The following VWA8 variants were observed in gnomAD, a reference collection of about 807,000 sequenced individuals.
The protein encoded by VWA8 is von Willebrand factor A domain containing 8.
Under a neutral mutation model 241.5 loss-of-function variants are expected in VWA8, and 221 were observed. The ratio of observed to expected loss-of-function variants is 0.91; its 90% CI spans 0.82 to 1.02. The LOEUF is 1.02. VWA8 is among the 50% of genes least tolerant of loss of function. VWA8 has a pLI of 0.00. For synonymous variants in VWA8, 852 were observed against 827.1 expected, an observed-to-expected ratio of 1.03 and a Z score of -0.52; for missense variants, 2,322 against 2,328.7, an observed-to-expected ratio of 1.00 and a Z score of 0.06.
intron 20 of VWA8, among the ~76,000 whole-genome samples, chr13:41,772,136 C>T (rs952473219): frequency 7.2e-5 from 11 of 152,042 alleles, no homozygotes; most frequent in African/African-American, 2.7e-4. Context: ...GTGATCCGCC[C>T]GCCTCGGCCT....
chr13:41,758,398 G>GTATATATA (rs1236188354), intron 21 of VWA8, among the ~76,000 whole-genome samples: 321 of 24,930 alleles, frequency 0.013, 11 homozygotes, highest in African/African-American at 0.022. Context: ...ATATACGCTA[G>GTATATATA]TATATATATA....
At chr13:41,902,942 A>C (rs1875526837) in intron 4 of VWA8, among the ~76,000 whole-genome samples, 1 of 152,192 alleles carries the variant, frequency 6.6e-6, no homozygotes, top group Non-Finnish European at 1.5e-5. Flanking sequence ...CCCACCAGAG[A>C]GCCACAGGTA....
At chr13:41,796,936 AT>A (rs1258678965) in intron 17 of VWA8, among the ~76,000 whole-genome samples, 1 of 152,060 alleles carries the variant, frequency 6.6e-6, no homozygotes, top group Non-Finnish European at 1.5e-5. Flanking sequence ...TTTTAAGTGT[AT>A]TTTTTGTTAT....
chr13:41,792,930 A>T (rs2137950189), intron 17 of VWA8, among the ~76,000 whole-genome samples: 1 of 152,148 alleles, frequency 6.6e-6, no homozygotes, highest in South Asian at 2.1e-4. Context: ...ACTAAACTCT[A>T]TTTGTTCTAA....
chr13:41,924,382 G>C (rs75219730), intron 2 of VWA8, among the ~76,000 whole-genome samples: 2,164 of 137,650 alleles, frequency 0.016, 52 homozygotes, highest in African/African-American at 0.055. Flanking sequence ...AGAAACAGGA[G>C]AGAAGAGAGG....
chr13:41,939,580 CCCAATGCTGTGA>C lies in VWA8; in HGVS notation c.241+10344_241+10355del, dbSNP rs377669156. Reference sequence around the variant, plus strand: ...ATGTCCTGCTGTGCCCAATGCTGTGCCCAATGCTGTGAAGACAGAAGCAATTCAAAAGAGAAG... The same window carrying C: ...ATGTCCTGCTGTGCCCAATGCTGTGCAGACAGAAGCAATTCAAAAGAGAAG... On this transcript the variant is annotated intron_variant, in intron 2 of 44. Coordinates refer to ENST00000379310, the MANE Select transcript of VWA8 (RefSeq NM_015058.2). 1.7e-3 allele frequency among the ~76,000 whole-genome samples: 255 copies of C among 152,166 alleles called. 2 individuals carry two copies. The highest frequency in any genetic ancestry group is 5.6e-3 in the African/African-American group (234 of 41,492).
rs1475375991 is a variant in VWA8 at position 41,775,762 on chromosome 13, T to C, written c.2349+2223A>G. Among the ~76,000 whole-genome samples the C allele has an allele frequency of 4.6e-5, 7 of 152,342 alleles. No individual in the cohort carries two copies. The South Asian group carries it at 1.0e-3, about 23-fold the overall frequency. On this transcript the variant is annotated intron_variant, in intron 20 of 44. Coordinates refer to ENST00000379310, the MANE Select transcript of VWA8 (RefSeq NM_015058.2). ...TTATGCCAAGGTTTGTATAGCACCC[T>C]AGGACAATTCCAAAACACTTTCACA...
chr13:41,654,429 TG>T (rs1224804756), intron 37 of VWA8, among the ~76,000 whole-genome samples: 4 of 152,212 alleles, frequency 2.6e-5, no homozygotes, highest in African/African-American at 9.6e-5. Context: ...CCTGGTTTCG[TG>T]GAACAATTTT....
In VWA8 at chr13:41,807,335, T is replaced by C. The variant is rs145111792; in HGVS notation, c.2063+3890A>G. 6.3e-4 allele frequency among the ~76,000 whole-genome samples: 96 copies of C among 152,134 alleles called. No homozygotes were observed. The East Asian group carries it at 0.017, about 27-fold the overall frequency. On this transcript the variant is annotated intron_variant, in intron 17 of 44. Transcript: ENST00000379310. ...GAGGAGGGAATATTTCCAAACTTGT[T>C]CTACAAGGCCACTATTACCCTGATA...
At chr13:41,955,314 T>C (rs924700186) in intron 1 of VWA8, among the ~76,000 whole-genome samples, 2 of 152,192 alleles carry the variant, frequency 1.3e-5, no homozygotes, top group South Asian at 4.1e-4. Flanking sequence ...TCAAATACTA[T>C]TGAAGTGTCT....
intron 21 of VWA8, among the ~76,000 whole-genome samples, chr13:41,740,137 G>A (rs1479676589): frequency 6.6e-6 from 1 of 152,018 alleles, no homozygotes; most frequent in African/African-American, 2.4e-5. Context: ...TTACAGGAGT[G>A]AGCCACCACA....
intron 20 of VWA8, among the ~76,000 whole-genome samples, chr13:41,766,158 T>C (rs1039649190): frequency 3.9e-5 from 6 of 152,154 alleles, no homozygotes; most frequent in African/African-American, 1.4e-4. Flanking sequence ...CTGAGGGATT[T>C]CTGGGACTCT....
chr13:41,703,513 G>C (rs1171237839), intron 26 of VWA8, 102 bp from the exon 27 acceptor site: 2 of 944,210 alleles, frequency 2.1e-6, no homozygotes, highest in Non-Finnish European at 3.3e-6. Context: ...AATTTGAAGA[G>C]TGCTTTACTT....
chr13:41,625,543 C>T (rs1225353273), intron 37 of VWA8, among the ~76,000 whole-genome samples: 1 of 152,180 alleles, frequency 6.6e-6, no homozygotes, highest in South Asian at 2.1e-4. Context: ...TACCATCTCA[C>T]ACCAGTTAGA....
chr13:41,948,622 A>G lies in VWA8; in HGVS notation c.241+1314T>C, dbSNP rs188689536. ...GACTATGCTGACAAGGATGTAGAAC[A>G]TCACTGTCGGTCAAAGGTAAAATGG... is the stretch of plus-strand genomic sequence containing the variant. On this transcript the variant is annotated intron_variant, in intron 2 of 44. Coordinates refer to ENST00000379310, the MANE Select transcript of VWA8 (RefSeq NM_015058.2). 2.1e-3 allele frequency among the ~76,000 whole-genome samples: 323 copies of G among 152,350 alleles called. 2 individuals carry two copies. Among genetic ancestry groups the G allele is most frequent in the African/African-American group, 7.0e-3 (290 of 41,576 alleles).
intron 12 of VWA8, among the ~76,000 whole-genome samples, chr13:41,850,731 A>G (rs1416552564): frequency 1.3e-5 from 2 of 152,166 alleles, no homozygotes; most frequent in African/African-American, 2.4e-5. Context: ...AGGCCAGTCT[A>G]TAAAGACTGG....
At chr13:41,681,626 T>C (rs1166705865) in intron 35 of VWA8, among the ~76,000 whole-genome samples, 2 of 152,172 alleles carry the variant, frequency 1.3e-5, no homozygotes, top group Non-Finnish European at 2.9e-5. Flanking sequence ...TGGTAATGAC[T>C]TACCAATATG....
At chr13:41,959,990 AAACCTGTTATTCCAAGCAGCACTG>A in intron 1 of VWA8, among the ~76,000 whole-genome samples, 1 of 152,162 alleles carries the variant, frequency 6.6e-6, no homozygotes, top group East Asian at 1.9e-4. Flanking sequence ...TTCATAGTGA[AAACCTGTTATTCCAAGCAGCACTG>A]ACATTGACAA....
chr13:41,799,331 G>C (rs1283926125), intron 17 of VWA8, among the ~76,000 whole-genome samples: 1 of 152,110 alleles, frequency 6.6e-6, no homozygotes, highest in African/African-American at 2.4e-5. Flanking sequence ...AAATGATCCC[G>C]GATAAGTTTT....
Sources: allele counts gnomAD v4.1 joint callset (sites outside exome capture counted in the v4.1 genomes callset), GRCh38; gene constraint gnomAD v4.1.1; transcripts MANE v1.5; gene names NCBI Gene and HGNC (gene_info 2026-07-23, HGNC 2026-07-21).